APBB2: variants seen among roughly 807,000 people sequenced by gnomAD.
The protein encoded by APBB2 is Fe65-like 1.
In APBB2, 38 loss-of-function variants were observed where a neutral mutation model predicts 82.5. That is an observed-to-expected ratio of 0.46 (90% CI 0.36 to 0.60). APBB2 has a LOEUF of 0.60. APBB2 is among the 20% of genes least tolerant of loss of function. The pLI is 0.00. For synonymous variants in APBB2, 341 were observed against 368.2 expected (o/e 0.93, Z 0.85); for missense variants, 772 against 972.3 (o/e 0.79, Z 2.74).
intron 2 of APBB2, among the ~76,000 whole-genome samples, chr4:41,120,708 A>G (rs964375179): frequency 2.0e-5 from 3 of 152,166 alleles, no homozygotes; most frequent in Admixed American, 1.3e-4. Context: ...GAGTTTCACC[A>G]TCCGTACAGC....
chr4:41,021,362 C>G (rs1177318648), intron 5 of APBB2, among the ~76,000 whole-genome samples: 1 of 152,192 alleles, frequency 6.6e-6, no homozygotes, highest in Non-Finnish European at 1.5e-5. Flanking sequence ...GAGGTGAAGT[C>G]AGCTGGACTT....
chr4:41,114,312 G>A (rs561138131), intron 2 of APBB2, among the ~76,000 whole-genome samples: 3 of 152,240 alleles, frequency 2.0e-5, no homozygotes, highest in East Asian at 1.9e-4. Context: ...GGTATTGATG[G>A]AACGTATTTC....
chr4:41,193,898 A>G, intron 1 of APBB2: 2 of 152,250 alleles, frequency 1.3e-5, no homozygotes, highest in African/African-American at 4.8e-5. Flanking sequence ...CATCTAGAAC[A>G]GTGTTCGCAT....
At chr4:41,014,820 T>C (rs914378054) in intron 5 of APBB2, among the ~76,000 whole-genome samples, 17 of 152,236 alleles carry the variant, frequency 1.1e-4, no homozygotes, top group Admixed American at 1.0e-3. Context: ...AAGATTCCTC[T>C]GGGGCTTCAG....
At position 41,013,594 on chromosome 4, in the gene APBB2, G is replaced by A. The variant is rs200010437; in HGVS notation, c.824C>T (p.Pro275Leu). Reference protein sequence around the residue: ...LSQDSASPSSPDETADIWSDH... With the variant: ...LSQDSASPSSLDETADIWSDH... The stretch of plus-strand genomic sequence containing the variant: ...TTCCCCAGGGGTACCTGTTTCATCC[G>A]GGGAGCTGGGTGAGGCACTGTCTTG... Residue 275 changes from proline (P) to leucine (L), a missense_variant, in exon 6 of 18, where the codon CCG becomes CTG. Transcript: ENST00000508593. The A allele has an allele frequency of 1.3e-4, 206 of 1,613,544 alleles. No individual in the cohort carries two copies. Among genetic ancestry groups the A allele is most frequent in the East Asian group, 9.4e-4 (42 of 44,878 alleles).
At chr4:41,029,242 A>G (rs1715726534) in intron 5 of APBB2, among the ~76,000 whole-genome samples, 1 of 152,256 alleles carries the variant, frequency 6.6e-6, no homozygotes, top group East Asian at 1.9e-4. Context: ...AATGAAATAA[A>G]CTCTGATTTT....
Position 40,888,552 on chromosome 4 carries a change from CCT to C in APBB2, c.1529+1810_1529+1811del, listed in dbSNP as rs532365171. 8.5e-4 allele frequency among the ~76,000 whole-genome samples: 128 copies of C among 150,166 alleles called. 1 individual carries two copies. Among genetic ancestry groups the C allele is most frequent in the African/African-American group, 2.7e-3 (108 of 40,630 alleles). On this transcript the variant is annotated intron_variant, in intron 12 of 17. Transcript: ENST00000508593. Reference sequence around the variant, plus strand: ...ATGTCACAAGCTCCACACTTTGGCCCCTGTCTCGCACACGTATGTAGTGTCAC... The same window carrying C: ...ATGTCACAAGCTCCACACTTTGGCCCGTCTCGCACACGTATGTAGTGTCAC...
At chr4:40,816,286 G>A in intron 17 of APBB2, 27 bp from the exon 18 acceptor site, 1 of 1,612,178 alleles carries the variant, frequency 6.2e-7, no homozygotes, top group Non-Finnish European at 8.5e-7. Context: ...CGTGTTTTAA[G>A]GTAATTAACA....
intron 2 of APBB2, among the ~76,000 whole-genome samples, chr4:41,105,493 T>TTTGATATAATGTG (rs1415763676): frequency 3.0e-4 from 46 of 152,210 alleles, no homozygotes; most frequent in African/African-American, 9.9e-4. Flanking sequence ...TATCATTATA[T>TTTGATATAATGTG]CAAATGCACA....
intron 2 of APBB2, among the ~76,000 whole-genome samples, chr4:41,138,476 T>C (rs1243547259): frequency 3.3e-5 from 5 of 150,820 alleles, no homozygotes; most frequent in East Asian, 2.0e-4. Context: ...GCAAATCATA[T>C]ATCCAATAAA....
At chr4:40,986,003 A>C (rs1316945203) in intron 6 of APBB2, among the ~76,000 whole-genome samples, 16 of 152,198 alleles carry the variant, frequency 1.1e-4, no homozygotes, top group Admixed American at 1.0e-3. Context: ...ACAAAAGAGA[A>C]GTTTTGTAAG....
chr4:40,869,843 AC>A, intron 12 of APBB2, among the ~76,000 whole-genome samples: 1 of 152,074 alleles, frequency 6.6e-6, no homozygotes, highest in Non-Finnish European at 1.5e-5. Context: ...ATTACTAAAT[AC>A]CTAGTATTTA....
intron 1 of APBB2, among the ~76,000 whole-genome samples, chr4:41,195,344 C>G: frequency 6.6e-6 from 1 of 152,202 alleles, no homozygotes. Context: ...CTAAGATCCT[C>G]AGAATTGTCC....
rs1180609614 is a variant in APBB2 at position 40,821,855 on chromosome 4, T to C, written c.2112+16A>G. 2 of 1,611,278 alleles carry C rather than the reference T, an allele frequency of 1.2e-6. No individual in the cohort carries two copies. The highest frequency in any genetic ancestry group is 3.3e-5 in the Admixed American group (2 of 59,942). On this transcript the variant is annotated intron_variant, in intron 17 of 17. Coordinates refer to ENST00000508593, the MANE Select transcript of APBB2 (RefSeq NM_004307.2). Reference sequence around the variant, plus strand: ...AGAGGCGGGAGGGCTCAACAGCCTGTACCGGGATAACTCACCATGCAGGCG... The same window carrying C: ...AGAGGCGGGAGGGCTCAACAGCCTGCACCGGGATAACTCACCATGCAGGCG...
At position 40,812,546 on chromosome 4, in the gene APBB2, C is replaced by T. The variant is rs1744618677; in HGVS notation, c.*3546G>A. On this transcript the variant is annotated 3_prime_UTR_variant, in exon 18 of 18. Coordinates refer to ENST00000508593, the MANE Select transcript of APBB2 (RefSeq NM_004307.2). Reference sequence around the variant, plus strand: ...TGTGTATTAGGTTAAGCCTGGCCAACTAGAGAGCGAAGGGGCTTATTAGTT... The same window carrying T: ...TGTGTATTAGGTTAAGCCTGGCCAATTAGAGAGCGAAGGGGCTTATTAGTT... The T allele has an allele frequency of 6.6e-6, 1 of 152,198 alleles. No individual in the cohort carries two copies. The highest frequency in any genetic ancestry group is 1.5e-5 in the Non-Finnish European group (1 of 68,036). 9.4% of individuals were successfully genotyped at this position (152,198 alleles called of 1,614,324 possible).
chr4:41,212,484 A>G (rs1779567451), intron 1 of APBB2, among the ~76,000 whole-genome samples: 2 of 152,184 alleles, frequency 1.3e-5, no homozygotes, highest in Non-Finnish European at 2.9e-5. Context: ...TTACCACTTT[A>G]TAAAAATTTC....
chr4:41,181,110 T>C (rs892914375), intron 1 of APBB2, among the ~76,000 whole-genome samples: 7 of 152,250 alleles, frequency 4.6e-5, no homozygotes, highest in African/African-American at 1.7e-4. Context: ...AAACATTTAA[T>C]ATCTCCTTTG....
intron 6 of APBB2, among the ~76,000 whole-genome samples, chr4:40,947,670 G>C (rs986543825): frequency 1.9e-4 from 29 of 152,364 alleles, no homozygotes; most frequent in African/African-American, 6.7e-4. Flanking sequence ...GCTGGTGACA[G>C]ATGCAAAGTG....
At chr4:41,117,414 T>C (rs1751394597) in intron 2 of APBB2, among the ~76,000 whole-genome samples, 1 of 151,238 alleles carries the variant, frequency 6.6e-6, no homozygotes, top group African/African-American at 2.4e-5. Flanking sequence ...TGCCTCAGCC[T>C]CTCGAATAGC....
Sources: allele counts gnomAD v4.1 joint callset (sites outside exome capture counted in the v4.1 genomes callset), GRCh38; gene constraint gnomAD v4.1.1; transcripts MANE v1.5; gene names NCBI Gene and HGNC (gene_info 2026-07-23, HGNC 2026-07-21).